PKD1L1: variants seen among roughly 807,000 people sequenced by gnomAD.
PKD1L1 encodes the protein polycystin-1-like protein 1.
In PKD1L1, 236 loss-of-function variants were observed where a neutral mutation model predicts 323.4. That is an observed-to-expected ratio of 0.73 (90% confidence interval 0.66 to 0.81). The LOEUF (loss-of-function observed/expected upper bound fraction) is 0.81. PKD1L1 is among the 40% of genes least tolerant of loss of function. The pLI is 0.00. For synonymous variants in PKD1L1, 1,344 were observed against 1,335.0 expected, an observed-to-expected ratio of 1.01 and a Z score of -0.15; for missense variants, 3,320 against 3,508.0, an observed-to-expected ratio of 0.95 and a Z score of 1.35.
chr7:47,880,935 G>T, intron 20 of PKD1L1, 130 bp from the exon 21 acceptor site: 1 of 560,878 alleles, frequency 1.8e-6, no homozygotes, highest in Non-Finnish European at 3.0e-6. Flanking sequence ...AGTGAAACAT[G>T]CCACTCCTGC....
chr7:47,917,416 T>C (rs187043988), intron 7 of PKD1L1, among the ~76,000 whole-genome samples: 73 of 152,266 alleles, frequency 4.8e-4, no homozygotes, highest in Non-Finnish European at 9.0e-4. Flanking sequence ...GGGGAATGAT[T>C]GAGGGGAATA....
chr7:47,808,246 C>A lies in PKD1L1; in HGVS notation c.7827+1G>T. The A allele has an allele frequency of 1.2e-6, 2 of 1,614,126 alleles. No individual in the cohort carries two copies. Among genetic ancestry groups the A allele is most frequent in the Non-Finnish European group, 1.7e-6 (2 of 1,180,010 alleles). ...TGCATGGCCCTGAGCACACCGTGTA[C>A]CTGATTCCATGATGCCATAAGGGTG... On this transcript the variant is annotated splice_donor_variant, in intron 52 of 56. Transcript: ENST00000289672. LOFTEE classifies it high-confidence loss of function.
At position 47,904,490 on chromosome 7, in the gene PKD1L1, T is replaced by C. The variant is rs774136136; in HGVS notation, c.1819A>G (p.Ser607Gly). ...TTGATCCAGCACTCAAAGGCCACAC[T>C]GGCATTTACCAGAGCTGAGGAGGGG... ...TSPSSALVNA[S>G]VAFECWINFG... The change falls in exon 12 of 57, where the codon AGT (serine) becomes GGT (glycine). Residue 607 changes from serine to glycine, a missense_variant. Ser to Gly is a moderately conservative substitution (Grantham distance 56). Coordinates refer to ENST00000289672, the MANE Select transcript of PKD1L1 (RefSeq NM_138295.5). 2 of 1,614,052 alleles carry C rather than the reference T, an allele frequency of 1.2e-6. No homozygotes were observed. The highest frequency in any genetic ancestry group is 1.7e-6 in the Non-Finnish European group (2 of 1,180,042).
chr7:47,948,562 A>G, upstream of PKD1L1: 1 of 894,842 alleles, frequency 1.1e-6, no homozygotes, highest in Admixed American at 2.2e-5. Flanking sequence ...TCTTATCAGG[A>G]CACACATCAA....
Position 47,813,430 on chromosome 7 carries a change from G to A in PKD1L1, c.7174-137C>T, listed in dbSNP as rs147344260. ...GGCACCCTTCTCTCCTCATAGGATC[G>A]TTCTGCAGCCTGTTTCGTGGTCTAC... On this transcript the variant is annotated intron_variant, in intron 48 of 56. Transcript: ENST00000289672. 2.5e-3 allele frequency: 2,394 copies of A among 939,524 alleles called. 6 individuals carry two copies. Among genetic ancestry groups the A allele is most frequent in the African/African-American group, 5.1e-3 (317 of 61,662 alleles). The allele number at this position is 939,524 out of a possible 1,614,324, so 58.2% of individuals were successfully genotyped here.
chr7:47,873,878 G>T (rs775253345), intron 24 of PKD1L1, 21 bp downstream of exon 24: 9 of 1,561,358 alleles, frequency 5.8e-6, no homozygotes, highest in Non-Finnish European at 7.0e-6. Context: ...TAGGATGTCT[G>T]TGTGGCATTG....
Position 47,815,385 on chromosome 7 carries a change from C to T in PKD1L1, c.7038G>A (p.Leu2346=). The change falls in exon 47 of 57, where the codon CTG becomes CTA. Residue 2346 remains leucine, a synonymous_variant. Coordinates refer to ENST00000289672, the MANE Select transcript of PKD1L1 (RefSeq NM_138295.5). ...DWWDWSLTTL[L]DGLYPGGTPS... is the part of the protein sequence containing the mutation. ...GGGTGCCTCCCGGGTACAGGCCATCCAGAAGTGTGGTCAGACTCCAGTCCC... is the reference window on the plus strand; with the variant it reads ...GGGTGCCTCCCGGGTACAGGCCATCTAGAAGTGTGGTCAGACTCCAGTCCC... 5 of 1,614,176 alleles carry T rather than the reference C, an allele frequency of 3.1e-6. No homozygotes were observed. The highest frequency in any genetic ancestry group is 4.2e-6 in the Non-Finnish European group (5 of 1,180,018).
chr7:47,906,382 T>C (rs747989920), intron 9 of PKD1L1, among the ~76,000 whole-genome samples: 3 of 152,182 alleles, frequency 2.0e-5, no homozygotes, highest in Non-Finnish European at 4.4e-5. Flanking sequence ...TGCATATATG[T>C]ATATATACAT....
intron 25 of PKD1L1, among the ~76,000 whole-genome samples, chr7:47,866,069 T>A (rs1786162886): frequency 6.6e-6 from 1 of 152,230 alleles, no homozygotes; most frequent in Non-Finnish European, 1.5e-5. Flanking sequence ...CACATTTGAA[T>A]ACATGGTAAT....
chr7:47,893,836 G>T, intron 15 of PKD1L1, 42 bp downstream of exon 15: 1 of 1,585,892 alleles, frequency 6.3e-7, no homozygotes, highest in Non-Finnish European at 8.6e-7. Context: ...CAGAATGCGC[G>T]GTCTGAGTAG....
At position 47,931,226 on chromosome 7, in the gene PKD1L1, G is replaced by T; in HGVS notation, c.615C>A (p.Ala205=). The T allele has an allele frequency of 1.2e-6, 2 of 1,614,224 alleles. No individual in the cohort carries two copies. Among genetic ancestry groups the T allele is most frequent in the Non-Finnish European group, 1.7e-6 (2 of 1,180,040 alleles). ...LRLLCCAEDV[A]TGLLPGTVTM... Reference sequence around the variant, plus strand: ...TGACAGTCCCAGGAAGCAGCCCCGTGGCCACATCCTCCGCACAGCACAGCA... The same window carrying T: ...TGACAGTCCCAGGAAGCAGCCCCGTTGCCACATCCTCCGCACAGCACAGCA... The change falls in exon 6 of 57, where the codon GCC becomes GCA. Residue 205 remains alanine, a synonymous_variant. Coordinates refer to ENST00000289672, the MANE Select transcript of PKD1L1 (RefSeq NM_138295.5).
intron 13 of PKD1L1, 38 bp downstream of exon 13, chr7:47,902,341 A>G: frequency 6.2e-6 from 10 of 1,608,676 alleles, no homozygotes; most frequent in Non-Finnish European, 8.5e-6. Flanking sequence ...GGAGGCTGAA[A>G]AGAGGCTGGT....
intron 15 of PKD1L1, among the ~76,000 whole-genome samples, chr7:47,892,074 G>C (rs996223808): frequency 1.3e-5 from 2 of 152,160 alleles, no homozygotes; most frequent in South Asian, 2.1e-4. Flanking sequence ...AGGCATGGGG[G>C]ATATATCAAA....
intron 46 of PKD1L1, among the ~76,000 whole-genome samples, chr7:47,820,704 G>A (rs1468207766): frequency 1.3e-5 from 2 of 150,416 alleles, no homozygotes; most frequent in African/African-American, 4.9e-5. Context: ...TCCAGCCTGG[G>A]TGACAAGAGC....
Position 47,929,462 on chromosome 7 carries a change from C to G in PKD1L1, c.802G>C (p.Glu268Gln), listed in dbSNP as rs573455366. 6.2e-6 allele frequency: 10 copies of G among 1,614,148 alleles called. No homozygotes were observed. In the South Asian group the frequency reaches 9.9e-5, roughly 16 times the overall value. The part of the protein sequence containing the change: ...PSFTASQSGS[E>Q]ILYPPTQHPP... ...TGCTGAGTAGGGGGATAGAGGATCT[C>G]AGAACCAGACTGCGATGCCGTGAAG... Residue 268 changes from glutamate to glutamine, a missense_variant, in exon 7 of 57, where the codon GAG (glutamate) becomes CAG (glutamine). By Grantham distance (29) the Glu-to-Gln change is conservative. Coordinates refer to ENST00000289672, the MANE Select transcript of PKD1L1 (RefSeq NM_138295.5).
intron 1 of PKD1L1, among the ~76,000 whole-genome samples, chr7:47,943,948 G>A (rs373725046): frequency 3.2e-4 from 49 of 152,158 alleles, no homozygotes; most frequent in Non-Finnish European, 6.2e-4. Flanking sequence ...TGGGGATCTG[G>A]CATGCTGCAG....
In PKD1L1 at chr7:47,876,080, C is replaced by A. The variant is rs1284402310; in HGVS notation, c.3784+17G>T. The A allele has an allele frequency of 6.2e-7, 1 of 1,613,156 alleles. No homozygotes were observed. Among genetic ancestry groups the A allele is most frequent in the Admixed American group, 1.7e-5 (1 of 59,980 alleles). The stretch of plus-strand genomic sequence containing the variant: ...AGGTTGGCACAGCTAGTGACTCCAA[C>A]TGGCACCATAGCTTACCTTTGTAAT... On this transcript the variant is annotated intron_variant, in intron 23 of 56. Coordinates refer to ENST00000289672, the MANE Select transcript of PKD1L1 (RefSeq NM_138295.5).
intron 51 of PKD1L1, among the ~76,000 whole-genome samples, chr7:47,808,844 A>G (rs1338292437): frequency 6.6e-6 from 1 of 152,226 alleles, no homozygotes; most frequent in Non-Finnish European, 1.5e-5. Context: ...GTGAATGTGA[A>G]GCCCTAGAGC....
At chr7:47,929,171 C>T (rs1233060102) in intron 7 of PKD1L1, 33 bp downstream of exon 7, 2 of 1,586,798 alleles carry the variant, frequency 1.3e-6, no homozygotes, top group African/African-American at 1.3e-5. Context: ...GACCTCCTTC[C>T]CAGGCTCCTG....
Sources: gnomAD v4.1 joint callset for allele counts (sites outside exome capture counted in the v4.1 genomes callset) on GRCh38, gnomAD v4.1.1 for gene constraint, MANE v1.5 for transcripts, NCBI Gene and HGNC (gene_info 2026-07-23, HGNC 2026-07-21) for gene names.